CCNB2: variants seen among roughly 807,000 people sequenced by gnomAD.
CCNB2 encodes the protein cyclin B2.
A neutral mutation model predicts 51.1 loss-of-function variants in CCNB2; 39 were observed. That is an observed-to-expected ratio of 0.76 (90% CI 0.59 to 1.00). CCNB2 has a LOEUF of 1.00. Ranked by LOEUF, CCNB2 falls within the 50% of genes least tolerant of loss-of-function variation. The pLI, the probability that CCNB2 is intolerant of heterozygous loss-of-function variation, is 0.00. For missense variants in CCNB2, 472 were observed against 470.3 expected, an observed-to-expected ratio of 1.00 and a Z score of -0.03; for synonymous variants, 174 against 165.5, an observed-to-expected ratio of 1.05 and a Z score of -0.40.
At chr15:59,117,101 G>A in intron 6 of CCNB2, 127 bp from the exon 7 acceptor site, 2 of 1,053,190 alleles carry the variant, frequency 1.9e-6, no homozygotes, top group Admixed American at 1.9e-5. Flanking sequence ...AACATAGTGT[G>A]GAATAGAGTA....
chr15:59,117,209 C>T lies in CCNB2; in HGVS notation c.835-19C>T, dbSNP rs757092056. ...AATTACACTTGTGATTCTTACTATC[C>T]CTTGCTGTTCTTTCTTAGGTTGATG... is the stretch of plus-strand genomic sequence containing the variant. On this transcript the variant is annotated intron_variant, in intron 6 of 8. Coordinates refer to ENST00000288207, the MANE Select transcript of CCNB2 (RefSeq NM_004701.4). 1.9e-6 allele frequency: 3 copies of T among 1,608,894 alleles called. No individual in the cohort carries two copies. The South Asian group carries it at 3.3e-5, about 18-fold the overall frequency.
chr15:59,114,799 G>C lies in CCNB2; in HGVS notation c.520G>C (p.Val174Leu), dbSNP rs1433361474. 5.6e-6 allele frequency: 9 copies of C among 1,614,024 alleles called. No individual in the cohort carries two copies. The Admixed American group carries it at 1.5e-4, about 27-fold the overall frequency. ...GCGTGCCATCCTAGTGGATTGGCTG[G>C]TACAAGTCCACTCCAAGTTTAGGCT... ...RMRAILVDWL[V>L]QVHSKFRLLQ... The change falls in exon 5 of 9, where the codon GTA (valine) becomes CTA (leucine). Residue 174 changes from valine to leucine, a missense_variant. By Grantham distance (32) the Val-to-Leu change is conservative. Coordinates refer to ENST00000288207, the MANE Select transcript of CCNB2 (RefSeq NM_004701.4).
intron 8 of CCNB2, 158 bp from the exon 9 acceptor site, chr15:59,124,609 C>T: frequency 1.6e-6 from 1 of 641,264 alleles, no homozygotes; most frequent in Non-Finnish European, 2.8e-6. Flanking sequence ...TGGTCAGGCA[C>T]ATGTTATGAG....
rs368620705 is a variant in CCNB2, at chr15:59,117,292, T to C, written c.899T>C (p.Met300Thr). ...LMELTLIDYD[M>T]VHYHPSKVAA... ...GAGCTGACTCTCATCGACTATGATA[T>C]GGTGCATTATCATCCTTCTAAGGTA... Residue 300 changes from methionine to threonine, a missense_variant, in exon 7 of 9, where the codon ATG becomes ACG. Transcript: ENST00000288207. 23 of 1,613,118 alleles carry C rather than the reference T, an allele frequency of 1.4e-5. No individual in the cohort carries two copies. The African/African-American group carries it at 2.7e-4, about 19-fold the overall frequency.
chr15:59,112,040 C>T (rs955778947), intron 3 of CCNB2, among the ~76,000 whole-genome samples: 12 of 151,624 alleles, frequency 7.9e-5, no homozygotes, highest in African/African-American at 2.9e-4. Flanking sequence ...TTTGTAGAGG[C>T]GAGGTTTTGC....
intron 3 of CCNB2, among the ~76,000 whole-genome samples, chr15:59,110,643 A>G (rs1354905711): frequency 1.3e-5 from 2 of 152,200 alleles, no homozygotes; most frequent in African/African-American, 4.8e-5. Context: ...ATGATAGGAG[A>G]TGTTCCCAGT....
At chr15:59,114,088 A>ACATAGGGGCAAGAGC (rs2079268558) in intron 3 of CCNB2, among the ~76,000 whole-genome samples, 1 of 152,210 alleles carries the variant, frequency 6.6e-6, no homozygotes, top group African/African-American at 2.4e-5. Flanking sequence ...ACCCATATGG[A>ACATAGGGGCAAGAGC]CATAGGGGCA....
intron 3 of CCNB2, among the ~76,000 whole-genome samples, chr15:59,111,665 C>G (rs1369772437): frequency 6.6e-6 from 1 of 152,148 alleles, no homozygotes; most frequent in Non-Finnish European, 1.5e-5. Context: ...ACCTCACAGG[C>G]TATCCTGCTG....
chr15:59,111,663 G>A (rs1192098147), intron 3 of CCNB2, among the ~76,000 whole-genome samples: 1 of 152,074 alleles, frequency 6.6e-6, no homozygotes, highest in Non-Finnish European at 1.5e-5. Flanking sequence ...ATACCTCACA[G>A]GCTATCCTGC....
intron 3 of CCNB2, among the ~76,000 whole-genome samples, chr15:59,110,505 G>T (rs2079253531): frequency 6.6e-6 from 1 of 152,140 alleles, no homozygotes; most frequent in African/African-American, 2.4e-5. Flanking sequence ...CTTTTACTTT[G>T]TCATCTGCTT....
intron 1 of CCNB2, among the ~76,000 whole-genome samples, 200 bp downstream of exon 1, chr15:59,105,492 C>G (rs2079231905): frequency 6.6e-6 from 1 of 152,252 alleles, no homozygotes. Flanking sequence ...TTCCGCCCTC[C>G]CCTAACCCCT....
At chr15:59,123,347 T>A (rs932443078) in intron 7 of CCNB2, among the ~76,000 whole-genome samples, 170 bp from the exon 8 acceptor site, 14 of 152,206 alleles carry the variant, frequency 9.2e-5, no homozygotes, top group African/African-American at 3.4e-4. Context: ...TTAGTGTTGC[T>A]GGTACTGTGA....
At position 59,114,455 on chromosome 15, in the gene CCNB2, C is replaced by A. The variant is rs771947366; in HGVS notation, c.279C>A (p.Pro93=). ...ATTTGTTGGTGTAGGGTCCTTCTCC[C>A]ACACCTGAGGATGTCTCCATGAAGG... ...MEKLAPKGPS[P]TPEDVSMKEE... The change falls in exon 4 of 9, where the codon CCC becomes CCA. Residue 93 remains proline, a synonymous_variant. Coordinates refer to ENST00000288207, the MANE Select transcript of CCNB2 (RefSeq NM_004701.4). The A allele has an allele frequency of 6.2e-7, 1 of 1,601,408 alleles. No homozygotes were observed. Among genetic ancestry groups the A allele is most frequent in the South Asian group, 1.1e-5 (1 of 88,846 alleles).
chr15:59,107,360 TTCTAAAG>T lies in CCNB2; in HGVS notation c.65_71del (p.Ser22LeufsTer5). The T allele has an allele frequency of 1.2e-6, 2 of 1,612,880 alleles. No homozygotes were observed. The highest frequency in any genetic ancestry group is 1.7e-6 in the Non-Finnish European group (2 of 1,179,090). ...TGGAGAATATTGACACAGGAGTTAATTCTAAAGTTAAGAGTCATGTGACTATTAGGCG... is the reference window on the plus strand; with the variant it reads ...TGGAGAATATTGACACAGGAGTTAATTTAAGAGTCATGTGACTATTAGGCG... On this transcript the variant is annotated frameshift_variant, in exon 2 of 9. Transcript: ENST00000288207. LOFTEE classifies it high-confidence loss of function.
intron 6 of CCNB2, 139 bp downstream of exon 6, chr15:59,117,065 G>A (rs2079282274): frequency 1.0e-6 from 1 of 965,602 alleles, no homozygotes; most frequent in Non-Finnish European, 1.6e-6. Flanking sequence ...GTTCTTAAGA[G>A]AAAAGGCCTC....
chr15:59,118,574 C>G (rs1414498428), intron 7 of CCNB2, among the ~76,000 whole-genome samples: 1 of 152,224 alleles, frequency 6.6e-6, no homozygotes, highest in Non-Finnish European at 1.5e-5. Flanking sequence ...ATCCAGGCTA[C>G]TCTGGAGGCC....
At position 59,107,604 on chromosome 15, in the gene CCNB2, T is replaced by A. The variant is rs150253971; in HGVS notation, c.201T>A (p.Asn67Lys). The change falls in exon 3 of 9, where the codon AAT becomes AAA. Residue 67 changes from asparagine (N) to lysine (K), a missense_variant. By Grantham distance (94) the Asn-to-Lys change is moderately conservative (BLOSUM62 0). Coordinates refer to ENST00000288207, the MANE Select transcript of CCNB2 (RefSeq NM_004701.4). ...CAGTTCAACCCACCAAAACAACAAA[T>A]GTCAACAAACAACTGAAACCTACTG... ...KVPVQPTKTT[N>K]VNKQLKPTAS... is the part of the protein sequence containing the mutation. 9.6e-5 allele frequency: 155 copies of A among 1,614,184 alleles called. No homozygotes were observed. The highest frequency in any genetic ancestry group is 1.8e-4 in the Admixed American group (11 of 60,026).
At position 59,124,883 on chromosome 15, in the gene CCNB2, C is replaced by T. The variant is rs1157768352; in HGVS notation, c.*6C>T. On this transcript the variant is annotated 3_prime_UTR_variant, in exon 9 of 9. Transcript: ENST00000288207. ...CACTGATAGGAAGGTCCTAGGCTGC[C>T]GTGGCCCCTGGGGATGTGTGCTTCA... 4.5e-6 allele frequency: 7 copies of T among 1,540,274 alleles called. No individual in the cohort carries two copies. The highest frequency in any genetic ancestry group is 2.8e-5 in the African/African-American group (2 of 71,892).
rs751336813 is a variant in CCNB2 at position 59,107,220 on chromosome 15, C to T, written c.25-102C>T. ...TTTCCATCTTGCAAATAGATCTTGA[C>T]GTATTGTCCTTTCCCAAAGCAATTC... On this transcript the variant is annotated intron_variant, in intron 1 of 8. Transcript: ENST00000288207. The T allele has an allele frequency of 5.5e-4, 562 of 1,017,218 alleles. 1 individual carries two copies. The highest frequency in any genetic ancestry group is 8.0e-4 in the South Asian group (47 of 58,682). 63.0% of individuals were successfully genotyped at this position (1,017,218 alleles called of 1,614,324 possible).
Sources: allele counts gnomAD v4.1 joint callset (sites outside exome capture counted in the v4.1 genomes callset), GRCh38; gene constraint gnomAD v4.1.1; transcripts MANE v1.5; gene names NCBI Gene and HGNC (gene_info 2026-07-23, HGNC 2026-07-21).